Variants in CEP104 observed in about 807,000 individuals in gnomAD.
CEP104 encodes the protein centrosomal protein 104, also known as centrosomal protein of 104 kDa.
In CEP104, 84 loss-of-function variants were observed where a neutral mutation model predicts 113.3. The observed-to-expected ratio is 0.74, with a 90% CI of 0.62 to 0.89. The LOEUF is 0.89. CEP104 is among the 40% of genes least tolerant of loss of function. The pLI, the probability that CEP104 is intolerant of heterozygous loss-of-function variation, is 0.00. For synonymous variants in CEP104, 378 were observed against 421.7 expected (o/e 0.90, Z 1.27); for missense variants, 1,053 against 1,156.6 (o/e 0.91, Z 1.30).
Position 3,826,705 on chromosome 1 carries a change from T to C in CEP104, c.2188+3A>G. Reference sequence around the variant, plus strand: ...TCTTTGTGCACCCCAATTCTTTACATACCCTGATTCTTTGGCTTCACAGCA... The same window carrying C: ...TCTTTGTGCACCCCAATTCTTTACACACCCTGATTCTTTGGCTTCACAGCA... On this transcript the variant is annotated splice_donor_region_variant and intron_variant, in intron 16 of 21. Coordinates refer to ENST00000378230, the MANE Select transcript of CEP104 (RefSeq NM_014704.4). The C allele has an allele frequency of 3.1e-6, 5 of 1,614,094 alleles. No individual in the cohort carries two copies. The highest frequency in any genetic ancestry group is 4.2e-6 in the Non-Finnish European group (5 of 1,179,934).
chr1:3,852,613 A>C (rs1390901621), intron 1 of CEP104, among the ~76,000 whole-genome samples, 192 bp from the exon 2 acceptor site: 2 of 152,130 alleles, frequency 1.3e-5, no homozygotes, highest in East Asian at 1.9e-4. Flanking sequence ...TCTGCTTAAG[A>C]TATCATTTAA....
chr1:3,815,688 TA>T (rs1427705745), intron 21 of CEP104, among the ~76,000 whole-genome samples, 171 bp from the exon 22 acceptor site: 1 of 84,658 alleles, frequency 1.2e-5, no homozygotes, highest in African/African-American at 9.0e-5. Context: ...TTCAGCTTCC[TA>T]TTTTTTTTTT....
intron 8 of CEP104, among the ~76,000 whole-genome samples, chr1:3,838,694 T>C (rs1028171209): frequency 6.6e-6 from 1 of 152,220 alleles, no homozygotes; most frequent in African/African-American, 2.4e-5. Context: ...GCTGGAGAGA[T>C]GAAGGGATGC....
At chr1:3,849,815 T>C (rs1644577611) in intron 2 of CEP104, among the ~76,000 whole-genome samples, 1 of 150,680 alleles carries the variant, frequency 6.6e-6, no homozygotes, top group Admixed American at 6.6e-5. Flanking sequence ...AAGTAATCCA[T>C]TAGTTAAAAA....
intron 16 of CEP104, 63 bp from the exon 17 acceptor site, chr1:3,826,499 C>T: frequency 6.8e-7 from 1 of 1,463,282 alleles, no homozygotes; most frequent in Non-Finnish European, 9.5e-7. Context: ...TTTTAGTAAG[C>T]AGTTTGATGT....
intron 9 of CEP104, 60 bp from the exon 10 acceptor site, chr1:3,836,752 T>G (rs572117531): frequency 6.7e-6 from 10 of 1,496,282 alleles, no homozygotes; most frequent in Non-Finnish European, 6.5e-6. Context: ...CATTCTCCAG[T>G]GCAACTCTCA....
Position 3,831,071 on chromosome 1 carries a change from C to T in CEP104, c.1811G>A (p.Gly604Asp). 1 of 1,613,904 alleles carries T rather than the reference C, an allele frequency of 6.2e-7. No homozygotes were observed. Among genetic ancestry groups the T allele is most frequent in the Non-Finnish European group, 8.5e-7 (1 of 1,179,988 alleles). Residue 604 changes from glycine to aspartate, a missense_variant, in exon 13 of 22, where the codon GGC becomes GAC. Physicochemically the swap from Gly to Asp is moderately conservative, Grantham distance 94. Transcript: ENST00000378230. ...CTTCATCACGTTGTCAATGGTGAAG[C>T]CCGAGCTGCCAGTGCCCAGGTCTTT... ...LLKDLGTGSS[G>D]FTIDNVMKFS... is the part of the protein sequence containing the mutation.
chr1:3,853,860 C>T (rs181870705), intron 1 of CEP104, among the ~76,000 whole-genome samples: 561 of 152,156 alleles, frequency 3.7e-3, no homozygotes, highest in Admixed American at 6.0e-3. Flanking sequence ...TTTGGGAGAC[C>T]GAGGTGGAAG....
At position 3,812,870 on chromosome 1, in the gene CEP104, AAAAC is replaced by A. The variant is rs1643818218; in HGVS notation, c.*2528_*2531del. 2 of 152,030 alleles carry A rather than the reference AAAAC, an allele frequency of 1.3e-5. No homozygotes were observed. Among genetic ancestry groups the A allele is most frequent in the African/African-American group, 4.8e-5 (2 of 41,348 alleles). 9.4% of individuals were successfully genotyped at this position (152,030 alleles called of 1,614,324 possible). A position where few individuals can be genotyped will look rare whatever the true frequency, so the allele number is the denominator to read the frequency against. On this transcript the variant is annotated 3_prime_UTR_variant, in exon 22 of 22. Coordinates refer to ENST00000378230, the MANE Select transcript of CEP104 (RefSeq NM_014704.4). ...CCACCACCCCCGCAAAACAAAAACA[AAAAC>A]AAAAAAACAACAAAAAAACCCCCTG...
intron 11 of CEP104, among the ~76,000 whole-genome samples, chr1:3,834,274 TCTA>T (rs1644270278): frequency 6.6e-6 from 1 of 152,054 alleles, no homozygotes; most frequent in Non-Finnish European, 1.5e-5. Context: ...ATACCGAGTA[TCTA>T]ACATCCCTGC....
chr1:3,839,699 C>T lies in CEP104; in HGVS notation c.644G>A (p.Arg215Gln), dbSNP rs965303875. The T allele has an allele frequency of 8.7e-6, 14 of 1,613,950 alleles. No individual in the cohort carries two copies. Among genetic ancestry groups the T allele is most frequent in the African/African-American group, 4.0e-5 (3 of 74,916 alleles). Residue 215 changes from arginine (R) to glutamine (Q), a missense_variant, in exon 7 of 22, where the codon CGA becomes CAA. Arg to Gln is a conservative substitution (Grantham distance 43). Transcript: ENST00000378230. ...YQDPEVAQII[R>Q]KLDERKREAV... ...TTCCCGTTTTCTTTCATCTAATTTT[C>T]GTATGATCTGTGCAACTTCTGGATC...
At chr1:3,836,369 CAAT>C in intron 10 of CEP104, 123 bp downstream of exon 10, 1 of 939,364 alleles carries the variant, frequency 1.1e-6, no homozygotes, top group Non-Finnish European at 1.5e-6. Flanking sequence ...GGGAAGTCAA[CAAT>C]ATTACAAATG....
chr1:3,837,249 T>C lies in CEP104; in HGVS notation c.1119+43A>G, dbSNP rs12084604. 10,374 of 1,509,188 alleles carry C rather than the reference T, an allele frequency of 6.9e-3. 624 individuals carry two copies. In the African/African-American group the frequency reaches 0.12, roughly 18 times the overall value. The allele number at this position is 1,509,188 out of a possible 1,614,324, so 93.5% of individuals were successfully genotyped here. A position where few individuals can be genotyped will look rare whatever the true frequency, so the allele number is the denominator to read the frequency against. On this transcript the variant is annotated intron_variant, in intron 9 of 21. Transcript: ENST00000378230. ...TGGCACAACACATGTCCTTTACAAA[T>C]ACCCAAATAAATTGAACGCCAATCT...
At chr1:3,841,617 T>C (rs568420807) in intron 6 of CEP104, among the ~76,000 whole-genome samples, 28 of 152,294 alleles carry the variant, frequency 1.8e-4, no homozygotes, top group African/African-American at 6.5e-4. Flanking sequence ...ATCTACCCAC[T>C]TTGGTACAGA....
chr1:3,837,127 G>GT (rs1644329101), intron 9 of CEP104, 165 bp downstream of exon 9: 1 of 609,696 alleles, frequency 1.6e-6, no homozygotes. Flanking sequence ...TATTCCTTAT[G>GT]TGGCTATGCT....
Position 3,844,898 on chromosome 1 carries a change from G to A in CEP104, c.566+9C>T. On this transcript the variant is annotated intron_variant, in intron 6 of 21. Coordinates refer to ENST00000378230, the MANE Select transcript of CEP104 (RefSeq NM_014704.4). ...AAAGAAGTTCATTGATGGGGAGCAGGACTCTTACCTGGCGTACGTTCCTTC... is the reference window on the plus strand; with the variant it reads ...AAAGAAGTTCATTGATGGGGAGCAGAACTCTTACCTGGCGTACGTTCCTTC... The A allele has an allele frequency of 2.5e-6, 4 of 1,608,740 alleles. No individual in the cohort carries two copies. The highest frequency in any genetic ancestry group is 3.4e-6 in the Non-Finnish European group (4 of 1,175,102).
intron 18 of CEP104, among the ~76,000 whole-genome samples, chr1:3,824,117 G>A (rs1007339282): frequency 6.6e-6 from 1 of 152,078 alleles, no homozygotes; most frequent in African/African-American, 2.4e-5. Context: ...ATGGAGTTTC[G>A]CTCCTGTTGC....
intron 1 of CEP104, among the ~76,000 whole-genome samples, chr1:3,853,115 G>A (rs565335695): frequency 6.6e-6 from 1 of 152,242 alleles, no homozygotes; most frequent in Non-Finnish European, 1.5e-5. Context: ...CTATTAGTTA[G>A]GAAACTAATA....
chr1:3,852,765 A>G (rs6657132), intron 1 of CEP104, among the ~76,000 whole-genome samples: 81,829 of 152,048 alleles, frequency 0.54, 24,550 homozygotes, highest in Non-Finnish European at 0.68. Flanking sequence ...TGTGGGTGTG[A>G]TCTAGTTAAA....
Sources: gnomAD v4.1 joint callset for allele counts (sites outside exome capture counted in the v4.1 genomes callset) on GRCh38, gnomAD v4.1.1 for gene constraint, MANE v1.5 for transcripts, NCBI Gene and HGNC (gene_info 2026-07-23, HGNC 2026-07-21) for gene names.